Variants in RBFOX1 observed in about 807,000 individuals in gnomAD.
RBFOX1 encodes RNA binding protein fox-1 homolog 1.
Under a neutral mutation model 57.7 loss-of-function variants are expected in RBFOX1, and 8 were observed. The ratio of observed to expected loss-of-function variants is 0.14; its 90% CI spans 0.08 to 0.25. The LOEUF (loss-of-function observed/expected upper bound fraction) is 0.25. Ranked by LOEUF, RBFOX1 falls within the 10% of genes least tolerant of loss-of-function variation. RBFOX1 has a pLI of 1.00. For missense variants in RBFOX1, 611 were observed against 548.5 expected (o/e 1.11, Z -1.14); for synonymous variants, 326 against 222.4 (o/e 1.47, Z -4.15).
chr16:5,708,268 A>G (rs1320325302), intron 3 of RBFOX1, among the ~76,000 whole-genome samples: 3 of 152,164 alleles, frequency 2.0e-5, no homozygotes, highest in Admixed American at 6.6e-5. Flanking sequence ...TTTGGTAAAT[A>G]TGTATCAAGC....
At chr16:5,878,038 A>G (rs986135498) in intron 4 of RBFOX1, among the ~76,000 whole-genome samples, 5 of 152,232 alleles carry the variant, frequency 3.3e-5, no homozygotes, top group Non-Finnish European at 7.3e-5. Flanking sequence ...TGGAGACTAT[A>G]TACACAGACA....
intron 1 of RBFOX1, among the ~76,000 whole-genome samples, chr16:5,397,752 G>C (rs1033002962): frequency 6.6e-6 from 1 of 152,172 alleles, no homozygotes; most frequent in African/African-American, 2.4e-5. Flanking sequence ...AGATATTCTG[G>C]AGACCTGAAG....
chr16:7,624,812 T>A (rs116451389), intron 10 of RBFOX1, among the ~76,000 whole-genome samples: 2 of 152,110 alleles, frequency 1.3e-5, no homozygotes, highest in Admixed American at 6.6e-5. Context: ...CACCACACAG[T>A]AGAGGTTTGT....
intron 3 of RBFOX1, among the ~76,000 whole-genome samples, chr16:6,781,051 C>T (rs527740244): frequency 2.0e-5 from 3 of 152,172 alleles, no homozygotes; most frequent in South Asian, 2.1e-4. Context: ...TGGTGGCTTA[C>T]TCAAAAAGTA....
intron 9 of RBFOX1, among the ~76,000 whole-genome samples, chr16:7,604,149 G>T (rs1476604468): frequency 6.6e-6 from 1 of 152,158 alleles, no homozygotes; most frequent in Non-Finnish European, 1.5e-5. Flanking sequence ...CAACCAAGTA[G>T]ATAGATATGC....
chr16:7,079,479 G>C (rs2058824917), intron 4 of RBFOX1, among the ~76,000 whole-genome samples: 1 of 152,214 alleles, frequency 6.6e-6, no homozygotes, highest in East Asian at 1.9e-4. Flanking sequence ...AGCAAGAATA[G>C]AGGGAGCTAT....
At chr16:6,138,558 G>C (rs1457531554) in intron 1 of RBFOX1, among the ~76,000 whole-genome samples, 2 of 152,126 alleles carry the variant, frequency 1.3e-5, no homozygotes, top group African/African-American at 4.8e-5. Flanking sequence ...TGGGAAGATG[G>C]AATCTTATGT....
chr16:5,528,315 G>A (rs918135432), intron 2 of RBFOX1, among the ~76,000 whole-genome samples: 1 of 152,088 alleles, frequency 6.6e-6, no homozygotes, highest in African/African-American at 2.4e-5. Context: ...ACCCTAGAGA[G>A]CGTGACTCAG....
intron 1 of RBFOX1, among the ~76,000 whole-genome samples, chr16:5,296,086 G>A (rs1387956616): frequency 1.8e-4 from 6 of 33,000 alleles, no homozygotes; most frequent in Non-Finnish European, 7.9e-4. Flanking sequence ...GGTTCCCCCT[G>A]AGCTTCTCCT....
intron 3 of RBFOX1, among the ~76,000 whole-genome samples, chr16:5,850,571 G>A (rs1165637302): frequency 6.6e-6 from 1 of 152,206 alleles, no homozygotes; most frequent in African/African-American, 2.4e-5. Flanking sequence ...CATTATGACA[G>A]CAGACACCTC....
intron 3 of RBFOX1, among the ~76,000 whole-genome samples, chr16:6,916,575 C>T (rs193033431): frequency 2.6e-5 from 4 of 152,058 alleles, no homozygotes; most frequent in African/African-American, 7.2e-5. Context: ...CATAAATCAT[C>T]GTGACCTACA....
intron 4 of RBFOX1, among the ~76,000 whole-genome samples, chr16:5,960,194 C>G (rs868326684): frequency 6.6e-6 from 1 of 152,136 alleles, no homozygotes. Context: ...GAGTGAGACT[C>G]TGTCTCAAGA....
At chr16:7,476,287 G>T (rs2062689690) in intron 4 of RBFOX1, among the ~76,000 whole-genome samples, 1 of 152,162 alleles carries the variant, frequency 6.6e-6, no homozygotes, top group East Asian at 1.9e-4. Context: ...CAGAATATTT[G>T]TTTGAATTCT....
intron 1 of RBFOX1, among the ~76,000 whole-genome samples, chr16:6,169,755 C>G (rs1303311638): frequency 6.6e-6 from 1 of 152,072 alleles, no homozygotes; most frequent in East Asian, 1.9e-4. Context: ...GCACATGCTC[C>G]TAAGTTAGGT....
intron 2 of RBFOX1, among the ~76,000 whole-genome samples, chr16:6,420,866 G>C (rs1001824271): frequency 2.6e-5 from 4 of 152,204 alleles, no homozygotes; most frequent in Non-Finnish European, 4.4e-5. Flanking sequence ...GGGTGACATA[G>C]TGCAAGGAGT....
chr16:7,587,333 G>C, intron 7 of RBFOX1, 33 bp downstream of exon 7: 3 of 1,489,404 alleles, frequency 2.0e-6, no homozygotes, highest in Non-Finnish European at 2.7e-6. Context: ...GAATTGTTTA[G>C]TTTATTTTTA....
chr16:6,878,853 C>G lies in RBFOX1; in HGVS notation c.-15-173204C>G, dbSNP rs78713810. ...AAAACCTATTTGAAGTTTTAAGGAT[C>G]AGAGAGAAATTAACAGCTAATCTTT... is the stretch of plus-strand genomic sequence containing the variant. On this transcript the variant is annotated intron_variant, in intron 3 of 15. Coordinates refer to ENST00000550418, the MANE Select transcript of RBFOX1 (RefSeq NM_018723.4). Among the ~76,000 whole-genome samples, 390 of 145,892 alleles carry G rather than the reference C, an allele frequency of 2.7e-3. 13 individuals carry two copies. In the East Asian group the frequency reaches 0.07, roughly 26 times the overall value.
At chr16:7,002,526 A>C (rs1186755520) in intron 3 of RBFOX1, among the ~76,000 whole-genome samples, 3 of 152,152 alleles carry the variant, frequency 2.0e-5, no homozygotes, top group African/African-American at 4.8e-5. Flanking sequence ...AGCCTGGCCA[A>C]AATGGTGAAA....
At chr16:5,694,901 A>T (rs1596796294) in intron 3 of RBFOX1, among the ~76,000 whole-genome samples, 1 of 151,898 alleles carries the variant, frequency 6.6e-6, no homozygotes, top group African/African-American at 2.4e-5. Context: ...TCTGCTTTGA[A>T]CAGTTTAGAT....
Sources: allele counts gnomAD v4.1 joint callset (sites outside exome capture counted in the v4.1 genomes callset), GRCh38; gene constraint gnomAD v4.1.1; transcripts MANE v1.5; gene names NCBI Gene and HGNC (gene_info 2026-07-23, HGNC 2026-07-21).